Variants in HNRNPM observed in about 807,000 individuals in gnomAD.
The protein encoded by HNRNPM is heterogeneous nuclear ribonucleoprotein M.
HNRNPM carries 11 observed loss-of-function variants against 73.1 expected under a neutral mutation model. The ratio of observed to expected loss-of-function variants is 0.15; its 90% CI spans 0.09 to 0.25. The LOEUF (loss-of-function observed/expected upper bound fraction) is 0.25, where lower values mean the gene tolerates loss of function less well. Ranked by LOEUF, HNRNPM falls within the 10% of genes least tolerant of loss-of-function variation. HNRNPM has a pLI of 1.00. For missense variants in HNRNPM, 789 were observed against 1,067.9 expected, an observed-to-expected ratio of 0.74 and a Z score of 3.64; for synonymous variants, 407 against 355.2, an observed-to-expected ratio of 1.15 and a Z score of -1.64.
intron 8 of HNRNPM, 53 bp from the exon 9 acceptor site, chr19:8,468,721 G>T (rs1969930542): frequency 7.0e-7 from 1 of 1,420,160 alleles, no homozygotes. Flanking sequence ...TTTTGCTGTT[G>T]CAAACACTGC....
intron 1 of HNRNPM, among the ~76,000 whole-genome samples, chr19:8,454,759 A>G (rs1408889806): frequency 2.2e-5 from 3 of 134,782 alleles, no homozygotes. Flanking sequence ...ACTACCTCAT[A>G]TTTCCATTCT....
At chr19:8,467,053 T>C (rs920813541) in intron 7 of HNRNPM, among the ~76,000 whole-genome samples, 1 of 147,100 alleles carries the variant, frequency 6.8e-6, no homozygotes, top group Non-Finnish European at 1.5e-5. Context: ...CCTCACTCTT[T>C]CCAGTGAGTA....
At chr19:8,468,719 T>C (rs1334922935) in intron 8 of HNRNPM, 55 bp from the exon 9 acceptor site, 3 of 1,393,088 alleles carry the variant, frequency 2.2e-6, no homozygotes, top group Non-Finnish European at 3.1e-6. Flanking sequence ...TCTTTTGCTG[T>C]TGCAAACACT....
intron 12 of HNRNPM, among the ~76,000 whole-genome samples, chr19:8,480,758 T>C (rs1970860261): frequency 6.6e-6 from 1 of 152,180 alleles, no homozygotes; most frequent in Non-Finnish European, 1.5e-5. Flanking sequence ...ACCTCTCGCC[T>C]AATTCCGCTT....
chr19:8,448,533 C>A (rs1338252028), intron 1 of HNRNPM, among the ~76,000 whole-genome samples: 3 of 146,874 alleles, frequency 2.0e-5, no homozygotes, highest in South Asian at 4.3e-4. Context: ...TGCAGTGGCG[C>A]GATCTCAGCT....
chr19:8,467,002 A>G (rs955799470), intron 7 of HNRNPM, among the ~76,000 whole-genome samples: 6 of 152,080 alleles, frequency 3.9e-5, no homozygotes, highest in Admixed American at 1.3e-4. Context: ...ACTAGAGAGA[A>G]AGTGGGGTTG....
intron 1 of HNRNPM, chr19:8,445,392 T>TG (rs1489183228): frequency 2.8e-5 from 9 of 316,164 alleles, no homozygotes; most frequent in Non-Finnish European, 1.7e-5. Flanking sequence ...CTGCTGCGCA[T>TG]GGGGGTTGAT....
chr19:8,468,578 T>A (rs2145682439), intron 8 of HNRNPM, among the ~76,000 whole-genome samples, 196 bp from the exon 9 acceptor site: 1 of 152,278 alleles, frequency 6.6e-6, no homozygotes, highest in East Asian at 1.9e-4. Context: ...TCCCCCACAA[T>A]AATATCCATG....
At chr19:8,485,533 G>A (rs957078245) in intron 13 of HNRNPM, 70 bp from the exon 14 acceptor site, 5 of 1,444,078 alleles carry the variant, frequency 3.5e-6, no homozygotes, top group Non-Finnish European at 4.7e-6. Context: ...GAGCTGAAGT[G>A]GTCTGGCGTG....
At chr19:8,468,868 A>G in intron 9 of HNRNPM, 34 bp downstream of exon 9, 4 of 1,530,582 alleles carry the variant, frequency 2.6e-6, no homozygotes, top group Non-Finnish European at 3.6e-6. Flanking sequence ...TGAGAGTTTG[A>G]ATTGGAGTTA....
chr19:8,453,301 C>T (rs919250842), intron 1 of HNRNPM, among the ~76,000 whole-genome samples: 8 of 152,038 alleles, frequency 5.3e-5, no homozygotes, highest in Non-Finnish European at 1.2e-4. Flanking sequence ...CCACCACGCC[C>T]AGCTAATTTT....
At chr19:8,486,893 G>A (rs150455648) in intron 14 of HNRNPM, 131 bp from the exon 15 acceptor site, 10 of 770,406 alleles carry the variant, frequency 1.3e-5, no homozygotes, top group South Asian at 2.8e-5. Flanking sequence ...CCTGCTGATC[G>A]CCTCAGTCTG....
intron 5 of HNRNPM, 53 bp downstream of exon 5, chr19:8,463,739 A>T (rs1173069975): frequency 7.3e-6 from 9 of 1,234,982 alleles, no homozygotes; most frequent in Non-Finnish European, 9.5e-6. Flanking sequence ...GAGTGATCCT[A>T]CTTTGGAATT....
At chr19:8,452,263 A>C (rs1489931726) in intron 1 of HNRNPM, among the ~76,000 whole-genome samples, 2 of 152,212 alleles carry the variant, frequency 1.3e-5, no homozygotes, top group East Asian at 3.8e-4. Flanking sequence ...GAAAGACTGG[A>C]AATAATTCAT....
At chr19:8,448,644 ATTT>A (rs1171129742) in intron 1 of HNRNPM, among the ~76,000 whole-genome samples, 3 of 151,650 alleles carry the variant, frequency 2.0e-5, no homozygotes, top group Non-Finnish European at 4.4e-5. Context: ...TGCCTGGCTA[ATTT>A]TTTTAATATT....
chr19:8,445,161 C>T (rs758403856), intron 1 of HNRNPM, 50 bp downstream of exon 1: 3 of 1,324,944 alleles, frequency 2.3e-6, no homozygotes, highest in African/African-American at 1.5e-5. Context: ...TCTCCGCGGC[C>T]GACGCGGGCG....
chr19:8,483,690 C>A (rs950241569), intron 13 of HNRNPM, among the ~76,000 whole-genome samples: 2 of 152,188 alleles, frequency 1.3e-5, no homozygotes, highest in Non-Finnish European at 2.9e-5. Context: ...ACCCCATCGC[C>A]CAGTGATGAC....
intron 3 of HNRNPM, among the ~76,000 whole-genome samples, chr19:8,463,253 C>T (rs1969510435): frequency 6.6e-6 from 1 of 152,130 alleles, no homozygotes; most frequent in South Asian, 2.1e-4. Flanking sequence ...TAAATGTCAG[C>T]AGCTCTAGTG....
chr19:8,451,494 A>G (rs376263128), intron 1 of HNRNPM, among the ~76,000 whole-genome samples: 15 of 151,932 alleles, frequency 9.9e-5, no homozygotes, highest in African/African-American at 2.7e-4. Context: ...CATCACTTTT[A>G]TACTATCACA....
Sources: allele counts gnomAD v4.1 joint callset (sites outside exome capture counted in the v4.1 genomes callset), GRCh38; gene constraint gnomAD v4.1.1; transcripts MANE v1.5; gene names NCBI Gene and HGNC (gene_info 2026-07-23, HGNC 2026-07-21).